Variants in ESRRG observed in about 807,000 individuals in gnomAD.
ESRRG encodes the protein estrogen-related receptor gamma.
A neutral mutation model predicts 44.0 loss-of-function variants in ESRRG; 13 were observed. The ratio of observed to expected loss-of-function variants is 0.30; its 90% CI spans 0.19 to 0.47. The LOEUF (loss-of-function observed/expected upper bound fraction) is 0.47. ESRRG is among the 20% of genes least tolerant of loss of function. The pLI, the probability that ESRRG is intolerant of heterozygous loss-of-function variation, is 1.00. For synonymous variants in ESRRG, 215 were observed against 214.6 expected (o/e 1.00, Z -0.02); for missense variants, 395 against 580.6 (o/e 0.68, Z 3.29).
chr1:216,681,378 TG>T (rs1559190738), intron 1 of ESRRG, among the ~76,000 whole-genome samples: 1 of 152,186 alleles, frequency 6.6e-6, no homozygotes, highest in Non-Finnish European at 1.5e-5. Flanking sequence ...TGTGCCATGT[TG>T]GTGTGCTGCA....
chr1:216,666,531 G>A (rs2073971815), intron 2 of ESRRG, among the ~76,000 whole-genome samples: 1 of 152,174 alleles, frequency 6.6e-6, no homozygotes, highest in Non-Finnish European at 1.5e-5. Context: ...GGGAGCACAA[G>A]GAGGAATGAA....
At chr1:216,988,129 T>G (rs2075152181) in intron 1 of ESRRG, among the ~76,000 whole-genome samples, 1 of 152,176 alleles carries the variant, frequency 6.6e-6, no homozygotes, top group Non-Finnish European at 1.5e-5. Context: ...AGGTGTTGCT[T>G]TATTGAAGCC....
chr1:216,872,577 A>G (rs1315091815), intron 2 of ESRRG, among the ~76,000 whole-genome samples: 1 of 151,750 alleles, frequency 6.6e-6, no homozygotes, highest in East Asian at 1.9e-4. Context: ...TTCCATTGCC[A>G]TTTTCCTATT....
intron 3 of ESRRG, among the ~76,000 whole-genome samples, chr1:216,579,241 A>G (rs1038627738): frequency 1.3e-5 from 2 of 152,146 alleles, no homozygotes. Context: ...TACAAGCTAA[A>G]TATTCAATGT....
intron 1 of ESRRG, among the ~76,000 whole-genome samples, chr1:217,089,219 G>A (rs1229097235): frequency 6.6e-6 from 1 of 152,110 alleles, no homozygotes; most frequent in African/African-American, 2.4e-5. Context: ...GGGGATGGGA[G>A]GGGTGTTTAA....
In ESRRG at chr1:216,930,476, G is replaced by A. The variant is rs370229806; in HGVS notation, c.-14+9106C>T. On this transcript the variant is annotated intron_variant, in intron 2 of 7. Coordinates refer to the ESRRG transcript ENST00000359162. ...TTTACATTCTATTTATTCTGTGGGCGTCCTCTCTGCCCTTGCCTCTGCTGC... is the reference window on the plus strand; with the variant it reads ...TTTACATTCTATTTATTCTGTGGGCATCCTCTCTGCCCTTGCCTCTGCTGC... Among the ~76,000 whole-genome samples, 91 of 152,146 alleles carry A rather than the reference G, an allele frequency of 6.0e-4. 1 individual carries two copies. Among genetic ancestry groups the A allele is most frequent in the African/African-American group, 2.0e-3 (85 of 41,482 alleles).
rs115046369 is a variant in ESRRG at position 216,861,851 on chromosome 1, A to G, written c.-14+77731T>C. On this transcript the variant is annotated intron_variant, in intron 2 of 7. Transcript: ENST00000359162. ...GGAACTATCAAAACTCAATAACAAG[A>G]AAACAAAAAACCTAATACAAAAGTA... is the stretch of plus-strand genomic sequence containing the variant. Among the ~76,000 whole-genome samples, 1,202 of 152,288 alleles carry G rather than the reference A, an allele frequency of 7.9e-3. 12 individuals are homozygous for G. The highest frequency in any genetic ancestry group is 9.5e-3 in the Non-Finnish European group (645 of 67,998).
At chr1:216,858,845 G>C (rs573716838) in intron 2 of ESRRG, among the ~76,000 whole-genome samples, 5 of 152,250 alleles carry the variant, frequency 3.3e-5, no homozygotes, top group African/African-American at 1.2e-4. Context: ...TTGTAAAAGA[G>C]AGCAGTTCTG....
chr1:216,954,254 C>T (rs2067520854), intron 1 of ESRRG, among the ~76,000 whole-genome samples: 1 of 151,824 alleles, frequency 6.6e-6, no homozygotes, highest in Non-Finnish European at 1.5e-5. Context: ...AGTAATAACT[C>T]AACATATTAA....
At chr1:216,682,741 T>TGTGTGTGTG (rs1553496190) in intron 1 of ESRRG, among the ~76,000 whole-genome samples, 1 of 151,106 alleles carries the variant, frequency 6.6e-6, no homozygotes, top group Non-Finnish European at 1.5e-5. Flanking sequence ...TGTGTGTGTG[T>TGTGTGTGTG]TTTATGCTTT....
chr1:216,959,501 G>C (rs138062938), intron 1 of ESRRG: 1 of 152,204 alleles, frequency 6.6e-6, no homozygotes, highest in African/African-American at 2.4e-5. Context: ...AGACCATCCT[G>C]GGCAGCATGG....
intron 5 of ESRRG, among the ~76,000 whole-genome samples, chr1:216,520,308 C>A (rs1443707464): frequency 6.6e-6 from 1 of 152,028 alleles, no homozygotes; most frequent in Non-Finnish European, 1.5e-5. Context: ...AAGCTATAAC[C>A]TGAAATTCAG....
intron 1 of ESRRG, among the ~76,000 whole-genome samples, chr1:217,118,018 C>T (rs1468802488): frequency 1.3e-5 from 2 of 152,188 alleles, no homozygotes; most frequent in Non-Finnish European, 2.9e-5. Context: ...TCTTCCTAAT[C>T]TAATAATAAT....
At chr1:217,035,680 G>GA (rs768545009) in intron 1 of ESRRG, among the ~76,000 whole-genome samples, 41,031 of 138,678 alleles carry the variant, frequency 0.3, 6,806 homozygotes, top group Non-Finnish European at 0.41. Flanking sequence ...GGGATTCCGT[G>GA]AAAAAAAAAA....
At chr1:216,718,875 A>G (rs576644575) in intron 1 of ESRRG, among the ~76,000 whole-genome samples, 1 of 152,038 alleles carries the variant, frequency 6.6e-6, no homozygotes, top group Non-Finnish European at 1.5e-5. Flanking sequence ...GATCCCTCAG[A>G]TCCTCTCCTC....
chr1:216,749,422 T>C (rs979248881), intron 2 of ESRRG, among the ~76,000 whole-genome samples: 15 of 152,114 alleles, frequency 9.9e-5, no homozygotes, highest in Non-Finnish European at 1.3e-4. Context: ...AGCCCAGTGT[T>C]TGGCAACAAG....
intron 1 of ESRRG, among the ~76,000 whole-genome samples, chr1:217,005,197 C>T (rs1209990611): frequency 6.6e-6 from 1 of 152,098 alleles, no homozygotes; most frequent in Non-Finnish European, 1.5e-5. Flanking sequence ...GAAAGTGAGT[C>T]TTTCCCCTAT....
intron 1 of ESRRG, among the ~76,000 whole-genome samples, chr1:216,689,074 C>A (rs554782895): frequency 6.6e-6 from 1 of 152,198 alleles, no homozygotes; most frequent in Non-Finnish European, 1.5e-5. Flanking sequence ...AACTGGCATT[C>A]GCAATAATGA....
At chr1:216,902,354 TG>T (rs1321757572) in intron 2 of ESRRG, among the ~76,000 whole-genome samples, 1 of 151,892 alleles carries the variant, frequency 6.6e-6, no homozygotes, top group Admixed American at 6.6e-5. Context: ...CTTGGTGTGG[TG>T]GTGGGTGCCT....
Sources: allele counts gnomAD v4.1 joint callset (sites outside exome capture counted in the v4.1 genomes callset), GRCh38; gene constraint gnomAD v4.1.1; transcripts MANE v1.5; gene names NCBI Gene and HGNC (gene_info 2026-07-23, HGNC 2026-07-21).